MYO16: variants seen among roughly 807,000 people sequenced by gnomAD.
MYO16 encodes myosin XVI.
Under a neutral mutation model 205.3 loss-of-function variants are expected in MYO16, and 94 were observed. The observed-to-expected ratio is 0.46, with a 90% CI of 0.39 to 0.54. The LOEUF (loss-of-function observed/expected upper bound fraction) is 0.54, where lower values mean the gene tolerates loss of function less well. Among genes scored for constraint, MYO16 ranks in the 20% least tolerant of loss-of-function variants. MYO16 has a pLI of 0.00. For missense variants in MYO16, 2,315 were observed against 2,387.5 expected (o/e 0.97, Z 0.63); for synonymous variants, 988 against 954.0 (o/e 1.04, Z -0.66).
intron 25 of MYO16, among the ~76,000 whole-genome samples, chr13:109,052,967 T>C (rs945377255): frequency 6.6e-6 from 1 of 152,168 alleles, no homozygotes; most frequent in African/African-American, 2.4e-5. Context: ...TAATTTGTAA[T>C]GTATATTTGT....
intron 34 of MYO16, among the ~76,000 whole-genome samples, chr13:109,196,192 A>C (rs999591096): frequency 3.3e-5 from 5 of 152,166 alleles, no homozygotes; most frequent in African/African-American, 1.2e-4. Context: ...CTTTACAGTA[A>C]AGTACAGAAA....
intron 4 of MYO16, among the ~76,000 whole-genome samples, chr13:108,739,863 C>T (rs541451488): frequency 2.3e-4 from 35 of 152,282 alleles, no homozygotes; most frequent in African/African-American, 8.4e-4. Flanking sequence ...CTAAACTTCT[C>T]TTCTCACTTC....
chr13:109,165,895 T>C (rs1878637784), intron 33 of MYO16, among the ~76,000 whole-genome samples: 1 of 151,428 alleles, frequency 6.6e-6, no homozygotes, highest in African/African-American at 2.4e-5. Context: ...TCAAGTGTTC[T>C]TCCCAAGAGT....
intron 4 of MYO16, among the ~76,000 whole-genome samples, chr13:108,737,092 A>G (rs1884729664): frequency 6.6e-6 from 1 of 152,216 alleles, no homozygotes; most frequent in African/African-American, 2.4e-5. Context: ...AACAGGGACA[A>G]TTTGACTTCC....
At chr13:108,650,855 G>A (rs1025820868) in intron 1 of MYO16, among the ~76,000 whole-genome samples, 3 of 152,178 alleles carry the variant, frequency 2.0e-5, no homozygotes, top group African/African-American at 7.2e-5. Context: ...TTCATCTGAA[G>A]GCATCTGGAA....
intron 2 of MYO16, among the ~76,000 whole-genome samples, chr13:108,680,128 C>T (rs1032740944): frequency 1.3e-5 from 2 of 152,148 alleles, no homozygotes; most frequent in Non-Finnish European, 2.9e-5. Flanking sequence ...GCTCCAATCC[C>T]AGCAGATGTC....
chr13:108,784,585 T>C (rs889317743), intron 4 of MYO16, among the ~76,000 whole-genome samples: 1 of 151,664 alleles, frequency 6.6e-6, no homozygotes, highest in Non-Finnish European at 1.5e-5. Flanking sequence ...AAAATCTCTT[T>C]GCAAATAAAG....
chr13:108,663,209 A>G (rs554078783), intron 1 of MYO16, among the ~76,000 whole-genome samples: 255 of 152,142 alleles, frequency 1.7e-3, no homozygotes, highest in African/African-American at 5.0e-3. Context: ...AAAATTCACA[A>G]TGCAAGCCTC....
At chr13:108,506,628 C>T in the MYO16 span, among the ~76,000 whole-genome samples, 1,444 of 152,036 alleles carry the variant, frequency 9.5e-3, 23 homozygotes, top group African/African-American at 0.033. Context: ...TACATGTTAA[C>T]GGAGATAAGT....
chr13:108,591,350 T>A (rs916579079), upstream of MYO16, among the ~76,000 whole-genome samples: 1 of 152,218 alleles, frequency 6.6e-6, no homozygotes, highest in African/African-American at 2.4e-5. Context: ...ACACAAGTTT[T>A]TCCTAAACAT....
chr13:108,632,013 G>A (rs1880003896), intron 1 of MYO16, among the ~76,000 whole-genome samples: 1 of 147,824 alleles, frequency 6.8e-6, no homozygotes, highest in African/African-American at 2.5e-5. Flanking sequence ...GGGAGGCGGA[G>A]CTTGCGGTGA....
At chr13:109,112,173 T>C (rs1889308667) in intron 28 of MYO16, among the ~76,000 whole-genome samples, 1 of 152,132 alleles carries the variant, frequency 6.6e-6, no homozygotes, top group Admixed American at 6.6e-5. Flanking sequence ...AGCATCTCTT[T>C]TAGAGAAATA....
At chr13:108,691,418 G>C (rs1882891660) in intron 2 of MYO16, among the ~76,000 whole-genome samples, 1 of 151,990 alleles carries the variant, frequency 6.6e-6, no homozygotes, top group Non-Finnish European at 1.5e-5. Context: ...GTGTTTGTGA[G>C]AGAGAGAGAT....
Position 108,679,211 on chromosome 13 carries a change from A to G in MYO16, c.292+13062A>G, listed in dbSNP as rs542042140. On this transcript the variant is annotated intron_variant, in intron 2 of 34. Transcript: ENST00000457511. ...AGATTCTGCATGGATCACCATTTGC[A>G]TCTGTCAGCTCTCCACTCAAATGTT... Among the ~76,000 whole-genome samples, 14 of 152,252 alleles carry G rather than the reference A, an allele frequency of 9.2e-5. No homozygotes were observed. The East Asian group carries it at 2.7e-3, about 30-fold the overall frequency.
the MYO16 span, among the ~76,000 whole-genome samples, chr13:108,573,348 A>G: frequency 6.6e-6 from 1 of 152,212 alleles, no homozygotes; most frequent in African/African-American, 2.4e-5. Context: ...TAGAAGTTGG[A>G]ATATAATGTC....
chr13:108,518,649 C>T, the MYO16 span, among the ~76,000 whole-genome samples: 1 of 152,258 alleles, frequency 6.6e-6, no homozygotes, highest in Non-Finnish European at 1.5e-5. Context: ...CACCAGTTTT[C>T]CATACAAATA....
intron 27 of MYO16, among the ~76,000 whole-genome samples, chr13:109,098,466 C>T (rs1436906255): frequency 1.3e-5 from 2 of 152,082 alleles, no homozygotes; most frequent in African/African-American, 2.4e-5. Flanking sequence ...GGCAAGGGGT[C>T]AGGTGAATAT....
intron 33 of MYO16, among the ~76,000 whole-genome samples, chr13:109,168,074 G>C (rs907516614): frequency 1.3e-5 from 2 of 151,994 alleles, no homozygotes; most frequent in Non-Finnish European, 2.9e-5. Context: ...TATTAGTGGG[G>C]TAGATAATAT....
intron 4 of MYO16, among the ~76,000 whole-genome samples, chr13:108,769,961 T>C (rs1885908188): frequency 6.6e-6 from 1 of 152,190 alleles, no homozygotes; most frequent in African/African-American, 2.4e-5. Flanking sequence ...CCTAGATATA[T>C]GTATAATAAT....
Sources: gnomAD v4.1 joint callset for allele counts (sites outside exome capture counted in the v4.1 genomes callset) on GRCh38, gnomAD v4.1.1 for gene constraint, MANE v1.5 for transcripts, NCBI Gene and HGNC (gene_info 2026-07-23, HGNC 2026-07-21) for gene names.